GABPA: variants seen among roughly 807,000 people sequenced by gnomAD.
GABPA encodes GA-binding protein alpha chain.
GABPA carries 4 observed loss-of-function variants against 59.4 expected under a neutral mutation model. The observed-to-expected ratio is 0.07, with a 90% confidence interval of 0.03 to 0.15. The LOEUF (loss-of-function observed/expected upper bound fraction) is 0.15. GABPA is among the 10% of genes least tolerant of loss of function. The pLI, the probability that GABPA is intolerant of heterozygous loss-of-function variation, is 1.00. For synonymous variants in GABPA, 164 were observed against 183.1 expected, an observed-to-expected ratio of 0.90 and a Z score of 0.84; for missense variants, 251 against 543.8, an observed-to-expected ratio of 0.46 and a Z score of 5.36.
At chr21:25,753,222 A>G (rs185254897) in intron 5 of GABPA, among the ~76,000 whole-genome samples, 1 of 152,320 alleles carries the variant, frequency 6.6e-6, no homozygotes, top group Non-Finnish European at 1.5e-5. Context: ...GTTTTTTTCA[A>G]GAGAAGGTGG....
At chr21:25,742,344 G>A (rs2035243086) in intron 2 of GABPA, among the ~76,000 whole-genome samples, 1 of 138,054 alleles carries the variant, frequency 7.2e-6, no homozygotes, top group Admixed American at 7.6e-5. Context: ...GAGATAATAA[G>A]CTGAAAGTAA....
intron 4 of GABPA, among the ~76,000 whole-genome samples, chr21:25,749,361 G>A (rs976434787): frequency 3.3e-5 from 5 of 152,150 alleles, no homozygotes; most frequent in Non-Finnish European, 1.5e-5. Flanking sequence ...ATCAGAGAGA[G>A]TACTGGAAGT....
chr21:25,744,629 A>G (rs959214117), intron 2 of GABPA, among the ~76,000 whole-genome samples: 18 of 152,196 alleles, frequency 1.2e-4, no homozygotes, highest in African/African-American at 4.1e-4. Context: ...AACCCTTTTG[A>G]ATTCAAAGTG....
At chr21:25,747,181 G>C (rs1042041500) in intron 3 of GABPA, among the ~76,000 whole-genome samples, 2 of 152,156 alleles carry the variant, frequency 1.3e-5, no homozygotes, top group African/African-American at 4.8e-5. Flanking sequence ...CTCTTCACTT[G>C]TTTGAGACGA....
At chr21:25,751,224 C>A (rs2035502117) in intron 4 of GABPA, among the ~76,000 whole-genome samples, 1 of 151,162 alleles carries the variant, frequency 6.6e-6, no homozygotes, top group Non-Finnish European at 1.5e-5. Flanking sequence ...GGCATAATTT[C>A]TTGGCTTAAT....
At chr21:25,747,331 T>A (rs555920150) in intron 3 of GABPA, among the ~76,000 whole-genome samples, 3 of 152,356 alleles carry the variant, frequency 2.0e-5, no homozygotes, top group African/African-American at 7.2e-5. Flanking sequence ...CATTTATTGC[T>A]TTCTTTATAA....
chr21:25,742,857 G>A (rs1315529687), intron 2 of GABPA, among the ~76,000 whole-genome samples: 1 of 151,948 alleles, frequency 6.6e-6, no homozygotes, highest in Non-Finnish European at 1.5e-5. Context: ...AGGAGTTCAA[G>A]GCTGCAGTGA....
Position 25,741,682 on chromosome 21 carries a change from G to A in GABPA, c.77+7G>A, listed in dbSNP as rs747364793. 2.5e-6 allele frequency: 4 copies of A among 1,585,006 alleles called. No homozygotes were observed. Among genetic ancestry groups the A allele is most frequent in the Admixed American group, 3.6e-5 (2 of 55,676 alleles). On this transcript the variant is annotated splice_region_variant and intron_variant, in intron 2 of 9. Coordinates refer to ENST00000400075, the MANE Select transcript of GABPA (RefSeq NM_002040.4). ...CAGAGTGCACAGAAGAAAGGTTGGTGTTTCTGAATTTATCATTTTTTTTCA... is the reference window on the plus strand; with the variant it reads ...CAGAGTGCACAGAAGAAAGGTTGGTATTTCTGAATTTATCATTTTTTTTCA...
intron 9 of GABPA, among the ~76,000 whole-genome samples, chr21:25,767,064 A>C (rs1655339407): frequency 6.6e-6 from 1 of 152,004 alleles, no homozygotes; most frequent in Non-Finnish European, 1.5e-5. Flanking sequence ...AGTTCAAAAA[A>C]CAGGAAAATT....
At chr21:25,745,948 A>G (rs1004997772) in intron 3 of GABPA, among the ~76,000 whole-genome samples, 2 of 152,128 alleles carry the variant, frequency 1.3e-5, no homozygotes, top group Non-Finnish European at 2.9e-5. Context: ...CCTAAATAGG[A>G]TTGCCCATAC....
chr21:25,768,887 T>C (rs1044444653), intron 9 of GABPA, 117 bp from the exon 10 acceptor site: 1 of 651,234 alleles, frequency 1.5e-6, no homozygotes, highest in Non-Finnish European at 2.8e-6. Flanking sequence ...TCAATATTAA[T>C]TGCTATTGTG....
intron 2 of GABPA, among the ~76,000 whole-genome samples, chr21:25,742,231 A>C (rs906143490): frequency 0.039 from 3 of 76 alleles, no homozygotes; most frequent in Non-Finnish European, 0.075. Context: ...ATGAGTTCAG[A>C]ATCCAGGAGA....
At chr21:25,761,935 G>A (rs186112979) in intron 6 of GABPA, among the ~76,000 whole-genome samples, 57 of 152,184 alleles carry the variant, frequency 3.7e-4, no homozygotes, top group Middle Eastern at 3.4e-3. Flanking sequence ...GTGGAGATAC[G>A]TACCTAAATA....
At position 25,772,301 on chromosome 21, in the gene GABPA, G is replaced by T. The variant is rs915357382; in HGVS notation, c.*3069G>T. The T allele has an allele frequency of 2.0e-5, 3 of 151,926 alleles. No individual in the cohort carries two copies. The highest frequency in any genetic ancestry group is 2.9e-5 in the Non-Finnish European group (2 of 67,904). The allele number at this position is 151,926 out of a possible 1,614,324, so 9.4% of individuals were successfully genotyped here. A position where few individuals can be genotyped will look rare whatever the true frequency, so the allele number is the denominator to read the frequency against. On this transcript the variant is annotated 3_prime_UTR_variant, in exon 10 of 10. Transcript: ENST00000400075. ...TTTTTACTCTTTAAATAACGACAAC[G>T]ACACTTATACTGTCATAATAACAAT...
At chr21:25,742,870 C>T (rs1403907851) in intron 2 of GABPA, among the ~76,000 whole-genome samples, 1 of 150,828 alleles carries the variant, frequency 6.6e-6, no homozygotes, top group Non-Finnish European at 1.5e-5. Flanking sequence ...TGCAGTGAGC[C>T]ATGATTGTGC....
rs73897050 is a variant in GABPA at position 25,746,529 on chromosome 21, T to C, written c.222+1175T>C. 5.3e-3 allele frequency among the ~76,000 whole-genome samples: 806 copies of C among 152,292 alleles called. 8 individuals carry two copies. The highest frequency in any genetic ancestry group is 0.018 in the African/African-American group (731 of 41,564). The stretch of plus-strand genomic sequence containing the variant: ...GATATTGTTGTACAATAAGTTGAAG[T>C]GTTTTAACAAAATTTGTGCATTTTA... On this transcript the variant is annotated intron_variant, in intron 3 of 9. Coordinates refer to ENST00000400075, the MANE Select transcript of GABPA (RefSeq NM_002040.4).
At position 25,771,814 on chromosome 21, in the gene GABPA, T is replaced by G. The variant is rs1156345206; in HGVS notation, c.*2582T>G. ...CATGTGAAGTTTTTATTGAGCCAAC[T>G]TTCATACATATCTTGCTAGCCTAAA... On this transcript the variant is annotated 3_prime_UTR_variant, in exon 10 of 10. Coordinates refer to ENST00000400075, the MANE Select transcript of GABPA (RefSeq NM_002040.4). 1 of 152,094 alleles carries G rather than the reference T, an allele frequency of 6.6e-6. No homozygotes were observed. Among genetic ancestry groups the G allele is most frequent in the Non-Finnish European group, 1.5e-5 (1 of 67,904 alleles). The allele number at this position is 152,094 out of a possible 1,614,324, so 9.4% of individuals were successfully genotyped here.
At chr21:25,748,648 T>C (rs2035429269) in intron 3 of GABPA, among the ~76,000 whole-genome samples, 1 of 152,238 alleles carries the variant, frequency 6.6e-6, no homozygotes, top group African/African-American at 2.4e-5. Context: ...AAGAATATGT[T>C]AATATATTTA....
chr21:25,751,298 G>A (rs2035505240), intron 4 of GABPA, among the ~76,000 whole-genome samples: 1 of 151,114 alleles, frequency 6.6e-6, no homozygotes, highest in African/African-American at 2.4e-5. Flanking sequence ...AAACTATCCA[G>A]AATTAAATCA....
Sources: gnomAD v4.1 joint callset for allele counts (sites outside exome capture counted in the v4.1 genomes callset) on GRCh38, gnomAD v4.1.1 for gene constraint, MANE v1.5 for transcripts, NCBI Gene and HGNC (gene_info 2026-07-23, HGNC 2026-07-21) for gene names.